Variants in LRRC4C observed in about 807,000 individuals in gnomAD.
LRRC4C encodes the protein leucine-rich repeat-containing protein 4C.
In LRRC4C, 5 loss-of-function variants were observed where a neutral mutation model predicts 33.6. The observed-to-expected ratio is 0.15, with a 90% confidence interval of 0.08 to 0.31. The LOEUF (loss-of-function observed/expected upper bound fraction) is 0.31. LRRC4C is among the 10% of genes least tolerant of loss of function. LRRC4C has a pLI of 1.00. For missense variants in LRRC4C, 560 were observed against 796.7 expected, an observed-to-expected ratio of 0.70 and a Z score of 3.58; for synonymous variants, 329 against 302.0, an observed-to-expected ratio of 1.09 and a Z score of -0.93.
chr11:40,871,518 C>T (rs1416483213), intron 2 of LRRC4C, among the ~76,000 whole-genome samples: 1 of 152,086 alleles, frequency 6.6e-6, no homozygotes, highest in South Asian at 2.1e-4. Flanking sequence ...GGCAGGTTCA[C>T]CCGATACAGG....
chr11:40,456,166 CT>C (rs1226631314), intron 3 of LRRC4C, among the ~76,000 whole-genome samples: 1 of 152,114 alleles, frequency 6.6e-6, no homozygotes, highest in African/African-American at 2.4e-5. Flanking sequence ...TATCAGTCCT[CT>C]TTAGCTCCTC....
intron 5 of LRRC4C, among the ~76,000 whole-genome samples, chr11:40,172,907 T>A (rs1156331082): frequency 6.6e-6 from 1 of 152,166 alleles, no homozygotes; most frequent in East Asian, 1.9e-4. Context: ...TAGGGTAGGC[T>A]GTAATCAAAA....
intron 1 of LRRC4C, among the ~76,000 whole-genome samples, chr11:41,155,724 C>T (rs1944201511): frequency 6.6e-6 from 1 of 152,144 alleles, no homozygotes; most frequent in Non-Finnish European, 1.5e-5. Flanking sequence ...CAAAAACTCA[C>T]AGGACGTTTC....
chr11:40,498,877 T>C (rs778598649), intron 3 of LRRC4C, among the ~76,000 whole-genome samples: 16 of 152,192 alleles, frequency 1.1e-4, no homozygotes, highest in Non-Finnish European at 1.6e-4. Context: ...AGGCTTTAAA[T>C]GATCTCAGTG....
At position 40,801,754 on chromosome 11, in the gene LRRC4C, T is replaced by A. The variant is rs182459082; in HGVS notation, c.-407+131881A>T. On this transcript the variant is annotated intron_variant, in intron 2 of 6. Coordinates refer to ENST00000528697, the MANE Select transcript of LRRC4C (RefSeq NM_001258419.2). ...GTCACAAACAGTTGAGTACCAGAAATTTTTTTTTGACCTAAAAGTAATAGA... is the reference window on the plus strand; with the variant it reads ...GTCACAAACAGTTGAGTACCAGAAAATTTTTTTTGACCTAAAAGTAATAGA... Among the ~76,000 whole-genome samples the A allele has an allele frequency of 1.0e-3, 159 of 151,528 alleles. 1 individual carries two copies. In the South Asian group the frequency reaches 0.013, roughly 12 times the overall value.
chr11:41,138,316 A>T (rs1416638596), intron 1 of LRRC4C, among the ~76,000 whole-genome samples: 1 of 152,190 alleles, frequency 6.6e-6, no homozygotes, highest in Non-Finnish European at 1.5e-5. Flanking sequence ...TGGTTGTGGG[A>T]CACCACTGGA....
intron 1 of LRRC4C, among the ~76,000 whole-genome samples, chr11:40,982,783 C>T (rs576368364): frequency 1.3e-5 from 2 of 152,158 alleles, no homozygotes; most frequent in African/African-American, 4.8e-5. Context: ...TATTAAGCCT[C>T]GTATCCATTA....
At chr11:40,752,808 A>T (rs1565016121) in intron 2 of LRRC4C, among the ~76,000 whole-genome samples, 1 of 152,128 alleles carries the variant, frequency 6.6e-6, no homozygotes, top group Non-Finnish European at 1.5e-5. Context: ...ATGTTAAAGA[A>T]TACCTGCACT....
At chr11:41,187,679 G>A (rs1427987847) in intron 1 of LRRC4C, among the ~76,000 whole-genome samples, 1 of 152,206 alleles carries the variant, frequency 6.6e-6, no homozygotes, top group Non-Finnish European at 1.5e-5. Flanking sequence ...GGGTCTAATA[G>A]AGCTGATTAG....
At chr11:40,656,189 T>C (rs902052241) in intron 2 of LRRC4C, among the ~76,000 whole-genome samples, 1 of 151,768 alleles carries the variant, frequency 6.6e-6, no homozygotes, top group African/African-American at 2.4e-5. Flanking sequence ...CTGCTAACTA[T>C]AAAAATAAAG....
At chr11:41,167,667 C>T (rs1590817060) in intron 1 of LRRC4C, among the ~76,000 whole-genome samples, 1 of 152,204 alleles carries the variant, frequency 6.6e-6, no homozygotes, top group East Asian at 1.9e-4. Flanking sequence ...GATACTTTGG[C>T]CCAAATACAG....
chr11:40,510,829 T>G (rs1955278602), intron 3 of LRRC4C, among the ~76,000 whole-genome samples: 1 of 152,080 alleles, frequency 6.6e-6, no homozygotes, highest in African/African-American at 2.4e-5. Context: ...ATACAGCCCC[T>G]GAACTCAAGA....
intron 3 of LRRC4C, among the ~76,000 whole-genome samples, chr11:40,612,423 G>A (rs1457624115): frequency 6.6e-6 from 1 of 151,822 alleles, no homozygotes; most frequent in Non-Finnish European, 1.5e-5. Context: ...AATGGGTACA[G>A]AATTTCAGTC....
At chr11:41,059,536 T>A (rs1043602214) in intron 1 of LRRC4C, among the ~76,000 whole-genome samples, 2 of 152,166 alleles carry the variant, frequency 1.3e-5, no homozygotes, top group Non-Finnish European at 2.9e-5. Context: ...TGTGTCTTTT[T>A]ATAGGAGTTT....
At chr11:40,305,047 C>T (rs1944962128) in intron 4 of LRRC4C, among the ~76,000 whole-genome samples, 1 of 152,118 alleles carries the variant, frequency 6.6e-6, no homozygotes, top group African/African-American at 2.4e-5. Flanking sequence ...TTACAGGCAT[C>T]AACCTTATCC....
chr11:40,830,069 A>G (rs914418280), intron 2 of LRRC4C, among the ~76,000 whole-genome samples: 3 of 152,032 alleles, frequency 2.0e-5, no homozygotes, highest in Non-Finnish European at 2.9e-5. Flanking sequence ...TGCAGAAAAA[A>G]TTGTATGTTT....
chr11:40,582,762 C>A (rs1412818840), intron 3 of LRRC4C, among the ~76,000 whole-genome samples: 1 of 152,032 alleles, frequency 6.6e-6, no homozygotes, highest in Non-Finnish European at 1.5e-5. Flanking sequence ...GGTGATCCAC[C>A]CACCTCGGCC....
At chr11:40,826,308 A>T (rs1001199402) in intron 2 of LRRC4C, among the ~76,000 whole-genome samples, 12 of 152,084 alleles carry the variant, frequency 7.9e-5, no homozygotes, top group Middle Eastern at 3.4e-3. Flanking sequence ...AGTCCCATTA[A>T]TAACAGCAAT....
chr11:41,398,348 A>T (rs1005919953), intron 1 of LRRC4C, among the ~76,000 whole-genome samples: 31 of 151,494 alleles, frequency 2.0e-4, no homozygotes, highest in African/African-American at 7.6e-4. Flanking sequence ...TATGTGACTA[A>T]TGCAGAAATC....
Sources: gnomAD v4.1 joint callset for allele counts (sites outside exome capture counted in the v4.1 genomes callset) on GRCh38, gnomAD v4.1.1 for gene constraint, MANE v1.5 for transcripts, NCBI Gene and HGNC (gene_info 2026-07-23, HGNC 2026-07-21) for gene names.